DHRS4: variants seen among roughly 807,000 people sequenced by gnomAD.
DHRS4 encodes dehydrogenase/reductase SDR family member 4.
Under a neutral mutation model 28.4 loss-of-function variants are expected in DHRS4, and 20 were observed. That is an observed-to-expected ratio of 0.71 (90% CI 0.50 to 1.02). The LOEUF is 1.02. DHRS4 is among the 50% of genes least tolerant of loss of function. The pLI, the probability that DHRS4 is intolerant of heterozygous loss-of-function variation, is 0.00. For missense variants in DHRS4, 378 were observed against 367.2 expected, an observed-to-expected ratio of 1.03 and a Z score of -0.24; for synonymous variants, 144 against 146.4, an observed-to-expected ratio of 0.98 and a Z score of 0.12.
chr14:23,963,885 T>A (rs1281815314), intron 3 of DHRS4, among the ~76,000 whole-genome samples: 5 of 150,220 alleles, frequency 3.3e-5, no homozygotes, highest in South Asian at 4.2e-4. Context: ...CATTGTAGGG[T>A]TAATAGTTGG....
intron 3 of DHRS4, among the ~76,000 whole-genome samples, chr14:23,964,419 C>A (rs1594431973): frequency 7.0e-6 from 1 of 143,216 alleles, no homozygotes; most frequent in Admixed American, 7.1e-5. Flanking sequence ...TAATTGAGGC[C>A]AATATGTTAG....
Position 23,959,973 on chromosome 14 carries a change from A to G in DHRS4, c.378A>G (p.Ile126Met), listed in dbSNP as rs762232154. 1 of 1,609,282 alleles carries G rather than the reference A, an allele frequency of 6.2e-7. No individual in the cohort carries two copies. The highest frequency in any genetic ancestry group is 8.5e-7 in the Non-Finnish European group (1 of 1,179,860). Residue 126 changes from isoleucine (I) to methionine (M), a missense_variant, in exon 3 of 8, where the codon ATA becomes ATG. Ile to Met is a conservative substitution (Grantham distance 10). Coordinates refer to ENST00000313250, the MANE Select transcript of DHRS4 (RefSeq NM_021004.4). ...NAAVNPFFGS[I>M]MDVTEEVWDK... ...CTGTCAACCCTTTCTTTGGAAGCAT[A>G]ATGGATGTCACTGAGGAGGTGTGGG...
chr14:23,954,589 C>G (rs752248923), intron 1 of DHRS4, among the ~76,000 whole-genome samples: 1 of 152,166 alleles, frequency 6.6e-6, no homozygotes, highest in African/African-American at 2.4e-5. Flanking sequence ...CATTTTTGAC[C>G]GGAGACCATC....
Position 23,955,713 on chromosome 14 carries a change from A to T in DHRS4, c.306+501A>T, listed in dbSNP as rs1186772297. ...TCAGTCTGCAGACCCTGGCTCAGAT[A>T]GCTGGAGCAACTTCCCAAGGTCCCA... On this transcript the variant is annotated intron_variant, in intron 2 of 7. Transcript: ENST00000313250. 5.5e-4 allele frequency among the ~76,000 whole-genome samples: 83 copies of T among 152,192 alleles called. 2 individuals are homozygous for T. The highest frequency in any genetic ancestry group is 5.4e-3 in the Admixed American group (83 of 15,282).
intron 3 of DHRS4, among the ~76,000 whole-genome samples, chr14:23,963,754 G>A (rs2033505939): frequency 6.8e-6 from 1 of 148,000 alleles, no homozygotes. Context: ...TGGTGCACAT[G>A]GTCTAACTTT....
chr14:23,956,723 C>T (rs867394801), intron 2 of DHRS4, among the ~76,000 whole-genome samples: 1 of 151,784 alleles, frequency 6.6e-6, no homozygotes, highest in Non-Finnish European at 1.5e-5. Context: ...CATGCCTCAG[C>T]CTCCCGAGCA....
intron 2 of DHRS4, among the ~76,000 whole-genome samples, chr14:23,955,833 A>T (rs1353627792): frequency 6.6e-6 from 1 of 152,228 alleles, no homozygotes; most frequent in Non-Finnish European, 1.5e-5. Flanking sequence ...CAAAGAAAGT[A>T]TATAAGTCGA....
intron 2 of DHRS4, 25 bp from the exon 3 acceptor site, chr14:23,959,877 G>T: frequency 6.2e-7 from 1 of 1,610,634 alleles, no homozygotes. Context: ...TGCAGCCCTG[G>T]TCCAGAACTT....
chr14:23,965,976 C>T lies in DHRS4; in HGVS notation c.524C>T (p.Pro175Leu). ...GTGTCTTCCATAGCAGCCTTCAGTC[C>T]ATCTCCTGTAAGAACCCTTTTGTCT... ...VIVSSIAAFS[P>L]SPGFSPYNVS... Residue 175 changes from proline (P) to leucine (L), a missense_variant, in exon 5 of 8, where the codon CCA (proline) becomes CTA (leucine). Transcript: ENST00000313250. 3 of 1,610,582 alleles carry T rather than the reference C, an allele frequency of 1.9e-6. No homozygotes were observed. The highest frequency in any genetic ancestry group is 2.5e-6 in the Non-Finnish European group (3 of 1,177,832).
Position 23,956,365 on chromosome 14 carries a change from G to A in DHRS4, c.306+1153G>A, listed in dbSNP as rs1169779703. Among the ~76,000 whole-genome samples, 4 of 152,194 alleles carry A rather than the reference G, an allele frequency of 2.6e-5. No homozygotes were observed. The East Asian group carries it at 7.7e-4, about 29-fold the overall frequency. ...GGCCCCCACCAGGTTCACTTAACAT[G>A]GCCTACAGGCCTGGCCCAGAGGTGG... On this transcript the variant is annotated intron_variant, in intron 2 of 7. Transcript: ENST00000313250.
intron 3 of DHRS4, among the ~76,000 whole-genome samples, chr14:23,964,936 A>G (rs1359278626): frequency 6.9e-6 from 1 of 145,574 alleles, no homozygotes; most frequent in African/African-American, 2.5e-5. Context: ...GTAATTTTTG[A>G]TTTTATTATA....
At position 23,959,668 on chromosome 14, in the gene DHRS4, A is replaced by C. The variant is rs148878434; in HGVS notation, c.307-234A>C. ...TTGACGATAGTTCCTAAGTAGGAAG[A>C]TTTTGTTGTCATTGTTGTTGTTGTT... On this transcript the variant is annotated intron_variant, in intron 2 of 7. Transcript: ENST00000313250. Among the ~76,000 whole-genome samples, 752 of 148,190 alleles carry C rather than the reference A, an allele frequency of 5.1e-3. 17 individuals carry two copies. Among genetic ancestry groups the C allele is most frequent in the African/African-American group, 8.7e-3 (343 of 39,528 alleles).
chr14:23,960,999 G>A (rs1010246312), intron 3 of DHRS4, among the ~76,000 whole-genome samples: 5 of 151,784 alleles, frequency 3.3e-5, no homozygotes, highest in Admixed American at 2.0e-4. Flanking sequence ...AACTAGTTCT[G>A]GCATGAAGTA....
At chr14:23,968,033 C>CCCAGAGAT (rs1473596688) in intron 7 of DHRS4, 1 of 60,752 alleles carries the variant, frequency 1.6e-5, no homozygotes, top group African/African-American at 8.1e-5. Flanking sequence ...CCCACCCACT[C>CCCAGAGAT]CCAGAGATTC....
chr14:23,955,093 A>G lies in DHRS4; in HGVS notation c.187A>G (p.Ser63Gly), dbSNP rs1250255757. 1 of 1,614,172 alleles carries G rather than the reference A, an allele frequency of 6.2e-7. No individual in the cohort carries two copies. Among genetic ancestry groups the G allele is most frequent in the Admixed American group, 1.7e-5 (1 of 60,032 alleles). The change falls in exon 2 of 8, where the codon AGC becomes GGC. Residue 63 changes from serine to glycine, a missense_variant. By Grantham distance (56) the Ser-to-Gly change is moderately conservative. Transcript: ENST00000313250. ...GGACGGGGCCCATGTGGTCGTCAGC[A>G]GCCGGAAGCAGCAGAATGTGGACCA... ...AQDGAHVVVS[S>G]RKQQNVDQAV...
At chr14:23,967,008 A>G (rs1260412761) in intron 6 of DHRS4, among the ~76,000 whole-genome samples, 2 of 151,974 alleles carry the variant, frequency 1.3e-5, no homozygotes, top group East Asian at 3.9e-4. Flanking sequence ...ACAAAAAATT[A>G]GCCGGGCGCA....
chr14:23,956,626 C>T (rs1380098536), intron 2 of DHRS4, among the ~76,000 whole-genome samples: 3 of 118,704 alleles, frequency 2.5e-5, no homozygotes, highest in African/African-American at 1.0e-4. Context: ...TTTTTTGAGA[C>T]AGAGTTTCAT....
At chr14:23,962,586 G>A (rs11848292) in intron 3 of DHRS4, among the ~76,000 whole-genome samples, 77,824 of 147,464 alleles carry the variant, frequency 0.53, 18,241 homozygotes, top group East Asian at 0.74. Flanking sequence ...TTCCAGCTCC[G>A]CTTCTAGTTC....
At chr14:23,962,460 G>A (rs2033451797) in intron 3 of DHRS4, among the ~76,000 whole-genome samples, 1 of 150,810 alleles carries the variant, frequency 6.6e-6, no homozygotes, top group South Asian at 2.1e-4. Context: ...AATATTCATG[G>A]CATCTTCACC....
Sources: allele counts gnomAD v4.1 joint callset (sites outside exome capture counted in the v4.1 genomes callset), GRCh38; gene constraint gnomAD v4.1.1; transcripts MANE v1.5; gene names NCBI Gene and HGNC (gene_info 2026-07-23, HGNC 2026-07-21).